The following N4BP1 variants were observed in gnomAD, a reference collection of about 807,000 sequenced individuals.
N4BP1 encodes NEDD4-binding protein 1.
In N4BP1, 21 loss-of-function variants were observed where a neutral mutation model predicts 70.9. The observed-to-expected ratio is 0.30, with a 90% confidence interval of 0.21 to 0.43. The LOEUF is 0.43. Among genes scored for constraint, N4BP1 ranks in the 20% least tolerant of loss-of-function variants. The pLI, the probability that N4BP1 is intolerant of heterozygous loss-of-function variation, is 1.00. For synonymous variants in N4BP1, 387 were observed against 394.6 expected (o/e 0.98, Z 0.23); for missense variants, 936 against 1,069.4 (o/e 0.88, Z 1.74).
intron 1 of N4BP1, among the ~76,000 whole-genome samples, chr16:48,575,267 T>C (rs904385055): frequency 1.3e-5 from 2 of 152,194 alleles, no homozygotes; most frequent in African/African-American, 4.8e-5. Flanking sequence ...ATCATTTGAA[T>C]TGGCTGTACT....
intron 1 of N4BP1, among the ~76,000 whole-genome samples, chr16:48,584,191 C>T (rs951735730): frequency 1.3e-5 from 2 of 152,082 alleles, no homozygotes; most frequent in Non-Finnish European, 2.9e-5. Context: ...GTGATCTGTC[C>T]GGTAGACAAT....
At chr16:48,562,925 A>AT (rs913818821) in intron 1 of N4BP1, among the ~76,000 whole-genome samples, 157 of 150,686 alleles carry the variant, frequency 1.0e-3, no homozygotes, top group African/African-American at 3.3e-3. Context: ...AATAACATTA[A>AT]TTTTTTTTTT....
chr16:48,589,716 C>A (rs1226469270), intron 1 of N4BP1, among the ~76,000 whole-genome samples: 1 of 152,062 alleles, frequency 6.6e-6, no homozygotes, highest in Non-Finnish European at 1.5e-5. Context: ...TCCCTAGATC[C>A]CTACAAGGGT....
chr16:48,551,589 C>G, intron 3 of N4BP1, 107 bp from the exon 4 acceptor site: 1 of 745,780 alleles, frequency 1.3e-6, no homozygotes, highest in Non-Finnish European at 2.1e-6. Context: ...CTGTAGAAAA[C>G]CTTTTTTCTA....
In N4BP1 at chr16:48,562,316, G is replaced by A; in HGVS notation, c.327C>T (p.Asp109=). 14 of 1,613,922 alleles carry A rather than the reference G, an allele frequency of 8.7e-6. No individual in the cohort carries two copies. Among genetic ancestry groups the A allele is most frequent in the Non-Finnish European group, 1.2e-5 (14 of 1,179,842 alleles). Reference sequence around the variant, plus strand: ...GAAGGCCAATGTCCAGAATGCAGAGGTCAGCACAAGTATCCTGAATCAAGC... The same window carrying A: ...GAAGGCCAATGTCCAGAATGCAGAGATCAGCACAAGTATCCTGAATCAAGC... ...LKSLIQDTCA[D]LCILDIGLLG... is the part of the protein sequence containing the mutation. The change falls in exon 2 of 7, where the codon GAC becomes GAT. Residue 109 remains aspartate (D), a synonymous_variant. Coordinates refer to ENST00000262384, the MANE Select transcript of N4BP1 (RefSeq NM_153029.4).
At chr16:48,600,992 T>G (rs977648171) in intron 1 of N4BP1, among the ~76,000 whole-genome samples, 5 of 152,222 alleles carry the variant, frequency 3.3e-5, no homozygotes, top group African/African-American at 1.2e-4. Context: ...AAATAAAATA[T>G]TATTTGCAGC....
chr16:48,543,259 T>G lies in N4BP1; in HGVS notation c.2336A>C (p.Asp779Ala). 2 of 1,513,026 alleles carry G rather than the reference T, an allele frequency of 1.3e-6. No homozygotes were observed. The highest frequency in any genetic ancestry group is 1.8e-6 in the Non-Finnish European group (2 of 1,131,086). The allele number at this position is 1,513,026 out of a possible 1,614,324, so 93.7% of individuals were successfully genotyped here. ...CAGGGCACTGAGTAGGGGCTGCATA[T>G]CTCTGTGAATGGAAGTGAGTCCTGG... ...EFLQKEVCLR[D>A]MQPLLSALPN... Residue 779 changes from aspartate (D) to alanine (A), a missense_variant and splice_region_variant, in exon 7 of 7, where the codon GAT becomes GCT. Asp to Ala is a moderately radical substitution (Grantham distance 126). Transcript: ENST00000262384.
At chr16:48,564,044 T>A (rs1297653375) in intron 1 of N4BP1, among the ~76,000 whole-genome samples, 2 of 152,244 alleles carry the variant, frequency 1.3e-5, no homozygotes, top group African/African-American at 4.8e-5. Context: ...TCTCTCCCTA[T>A]CCTTCCTAGT....
chr16:48,542,215 G>T lies in N4BP1; in HGVS notation c.*689C>A. 6.6e-6 allele frequency: 1 copy of T among 152,450 alleles called. No homozygotes were observed. Among genetic ancestry groups the T allele is most frequent in the Non-Finnish European group, 1.5e-5 (1 of 68,118 alleles). The allele number at this position is 152,450 out of a possible 1,614,324, so 9.4% of individuals were successfully genotyped here. A position where few individuals can be genotyped will look rare whatever the true frequency, so the allele number is the denominator to read the frequency against. On this transcript the variant is annotated 3_prime_UTR_variant, in exon 7 of 7. Coordinates refer to ENST00000262384, the MANE Select transcript of N4BP1 (RefSeq NM_153029.4). ...TGCACACTGGGCCGTCCCCTTTTGC[G>T]CAGGGTGGAAGGGGGAAGGAGGGTG...
Position 48,579,046 on chromosome 16 carries a change from T to G in N4BP1, c.199-16602A>C, listed in dbSNP as rs1187321563. Among the ~76,000 whole-genome samples the G allele has an allele frequency of 2.0e-5, 3 of 151,892 alleles. No individual in the cohort carries two copies. In the East Asian group the frequency reaches 5.8e-4, roughly 29 times the overall value. ...TGACAATGCCAAGAGACATTGCTGG[T>G]TGTCACAACCAAGAGGATGCTCTTG... On this transcript the variant is annotated intron_variant, in intron 1 of 6. Transcript: ENST00000262384.
intron 1 of N4BP1, among the ~76,000 whole-genome samples, chr16:48,602,409 T>C (rs1455981299): frequency 2.0e-5 from 3 of 152,232 alleles, no homozygotes; most frequent in Non-Finnish European, 4.4e-5. Context: ...AATGTGGTCC[T>C]TGATTTAATT....
At chr16:48,558,789 G>A (rs1963797564) in intron 2 of N4BP1, among the ~76,000 whole-genome samples, 1 of 152,128 alleles carries the variant, frequency 6.6e-6, no homozygotes, top group African/African-American at 2.4e-5. Flanking sequence ...ATATCGCTAT[G>A]CAGCTGCGGA....
intron 1 of N4BP1, among the ~76,000 whole-genome samples, chr16:48,564,693 A>G (rs182460643): frequency 6.6e-6 from 1 of 152,298 alleles, no homozygotes; most frequent in East Asian, 1.9e-4. Flanking sequence ...TGTCTGCAAA[A>G]TATCTTGCTG....
At chr16:48,587,528 C>T (rs986591159) in intron 1 of N4BP1, 2 of 152,144 alleles carry the variant, frequency 1.3e-5, no homozygotes, top group Non-Finnish European at 2.9e-5. Flanking sequence ...GGAAAGAAAA[C>T]ACTTTCAAAA....
Position 48,561,459 on chromosome 16 carries a change from C to G in N4BP1, c.1184G>C (p.Arg395Thr). The G allele has an allele frequency of 6.2e-7, 1 of 1,611,880 alleles. No individual in the cohort carries two copies. The highest frequency in any genetic ancestry group is 2.2e-5 in the East Asian group (1 of 44,868). The change falls in exon 2 of 7, where the codon AGA becomes ACA. Residue 395 changes from arginine to threonine, a missense_variant. By Grantham distance (71) the Arg-to-Thr change is moderately conservative. This residue lies in a region of N4BP1 where 515 missense variants were observed against 491.7 expected (regional missense o/e 1.05). Transcript: ENST00000262384. The stretch of plus-strand genomic sequence containing the variant: ...ATACACTGTACCAGCTGAAAATTCT[C>G]TGTCTTCTTGGAATCTTTTATTTTC... ...EKENKRFQED[R>T]EFSAGTVYPE...
At chr16:48,598,792 T>C (rs908599174) in intron 1 of N4BP1, among the ~76,000 whole-genome samples, 4 of 151,908 alleles carry the variant, frequency 2.6e-5, no homozygotes, top group African/African-American at 4.8e-5. Flanking sequence ...CCTTCTGGGG[T>C]GGTGAAGATA....
At chr16:48,590,275 C>G (rs1964314840) in intron 1 of N4BP1, among the ~76,000 whole-genome samples, 1 of 152,086 alleles carries the variant, frequency 6.6e-6, no homozygotes, top group African/African-American at 2.4e-5. Context: ...CCAACCTGAC[C>G]AATCAGCACT....
intron 1 of N4BP1, among the ~76,000 whole-genome samples, chr16:48,596,082 G>A (rs568611051): frequency 2.0e-5 from 3 of 152,260 alleles, no homozygotes; most frequent in Non-Finnish European, 2.9e-5. Context: ...GTATAATAAA[G>A]TTTATTTTGC....
chr16:48,602,861 T>C (rs919539625), intron 1 of N4BP1, among the ~76,000 whole-genome samples: 3 of 152,060 alleles, frequency 2.0e-5, no homozygotes, highest in Admixed American at 1.3e-4. Context: ...CACATGCCTA[T>C]AGTCCCAGCT....
Sources: gnomAD v4.1 joint callset for allele counts (sites outside exome capture counted in the v4.1 genomes callset) on GRCh38, gnomAD v4.1.1 for gene constraint, gnomAD v4.1.1 regional missense constraint, MANE v1.5 for transcripts, NCBI Gene and HGNC (gene_info 2026-07-23, HGNC 2026-07-21) for gene names.